The following A2ML1 variants were observed in gnomAD, a reference collection of about 807,000 sequenced individuals.
The protein encoded by A2ML1 is alpha-2-macroglobulin like 1.
In A2ML1, 161 loss-of-function variants were observed where a neutral mutation model predicts 181.9. The observed-to-expected ratio is 0.89, with a 90% CI of 0.78 to 1.01. A2ML1 has a LOEUF of 1.01. A2ML1 is among the 50% of genes least tolerant of loss of function. The pLI, the probability that A2ML1 is intolerant of heterozygous loss-of-function variation, is 0.00. For missense variants in A2ML1, 1,670 were observed against 1,768.1 expected, an observed-to-expected ratio of 0.94 and a Z score of 1.00; for synonymous variants, 663 against 666.8, an observed-to-expected ratio of 0.99 and a Z score of 0.09.
intron 3 of A2ML1, among the ~76,000 whole-genome samples, chr12:8,827,213 G>A (rs1462452173): frequency 6.6e-6 from 1 of 152,122 alleles, no homozygotes; most frequent in African/African-American, 2.4e-5. Context: ...GGTGGCCTGT[G>A]CCTGTAATCC....
At position 8,863,981 on chromosome 12, in the gene A2ML1, T is replaced by A; in HGVS notation, c.3690T>A (p.Asn1230Lys). The A allele has an allele frequency of 1.2e-6, 2 of 1,612,550 alleles. No homozygotes were observed. Among genetic ancestry groups the A allele is most frequent in the South Asian group, 2.2e-5 (2 of 90,928 alleles). Residue 1230 changes from asparagine to lysine, a missense_variant, in exon 29 of 36, where the codon AAT (asparagine) becomes AAA (lysine). By Grantham distance (94) the Asn-to-Lys change is moderately conservative (BLOSUM62 0). Coordinates refer to ENST00000299698, the MANE Select transcript of A2ML1 (RefSeq NM_144670.6). Reference protein sequence around the residue: ...SIVAWLAKQHNAYGGFSSTQD... With the variant: ...SIVAWLAKQHKAYGGFSSTQD... ...TGGCTTGGTTGGCCAAGCAACACAA[T>A]GCATATGGGGGCTTCTCTTCTACTC...
chr12:8,869,577 C>CTT (rs574069966), intron 33 of A2ML1, among the ~76,000 whole-genome samples: 4 of 148,334 alleles, frequency 2.7e-5, no homozygotes, highest in Admixed American at 6.8e-5. Context: ...TATCTACATT[C>CTT]TTTTTTTTTT....
At chr12:8,861,025 T>A in intron 27 of A2ML1, 70 bp downstream of exon 27, 1 of 1,606,172 alleles carries the variant, frequency 6.2e-7, no homozygotes, top group Non-Finnish European at 8.5e-7. Context: ...TTCACCCATC[T>A]TTGTCTCTAG....
At position 8,867,973 on chromosome 12, in the gene A2ML1, A is replaced by T; in HGVS notation, c.3849A>T (p.Arg1283Ser). The stretch of plus-strand genomic sequence containing the variant: ...CATTCAACATACAGTCAGTTAACAG[A>T]TTGGTATTTCAGCAGGATACCCTGC... ...QRTFNIQSVN[R>S]LVFQQDTLPN... is the part of the protein sequence containing the mutation. Residue 1283 changes from arginine to serine, a missense_variant, in exon 30 of 36, where the codon AGA becomes AGT. Arg to Ser is a moderately radical substitution (Grantham distance 110). Transcript: ENST00000299698. 1.9e-6 allele frequency: 3 copies of T among 1,614,208 alleles called. No homozygotes were observed. Among genetic ancestry groups the T allele is most frequent in the African/African-American group, 1.3e-5 (1 of 75,060 alleles).
In A2ML1 at chr12:8,852,310, A is replaced by G; in HGVS notation, c.2564A>G (p.His855Arg). 1 of 1,614,146 alleles carries G rather than the reference A, an allele frequency of 6.2e-7. No individual in the cohort carries two copies. Among genetic ancestry groups the G allele is most frequent in the Non-Finnish European group, 8.5e-7 (1 of 1,180,030 alleles). The change falls in exon 20 of 36, where the codon CAC (histidine) becomes CGC (arginine). Residue 855 changes from histidine (H) to arginine (R), a missense_variant. Physicochemically the swap from His to Arg is conservative, Grantham distance 29. Transcript: ENST00000299698. The surrounding 1 kb of genome is among the most constrained non-coding windows in gnomAD (Gnocchi z 4.2). The part of the protein sequence containing the change: ...CLCADDAKTH[H>R]WNITAVKLGH... ...TGTGCTGATGACGCAAAAACCCACCACTGGAACATCACAGCTGTCAAATTG... is the reference window on the plus strand; with the variant it reads ...TGTGCTGATGACGCAAAAACCCACCGCTGGAACATCACAGCTGTCAAATTG...
rs1944511213 is a variant in A2ML1 at position 8,868,595 on chromosome 12, G to A, written c.4120G>A (p.Gly1374Arg). ...MAIVEVKMLSGFSPMEGTNQL... is the reference protein window; with the variant it reads ...MAIVEVKMLSRFSPMEGTNQL... ...TATTGTGGAAGTGAAGATGCTATCTGGGTTCAGTCCCATGGAGGGCACCAA... is the reference window on the plus strand; with the variant it reads ...TATTGTGGAAGTGAAGATGCTATCTAGGTTCAGTCCCATGGAGGGCACCAA... Residue 1374 changes from glycine (G) to arginine (R), a missense_variant, in exon 32 of 36, where the codon GGG (glycine) becomes AGG (arginine). Gly to Arg is a moderately radical substitution (Grantham distance 125). Transcript: ENST00000299698. The A allele has an allele frequency of 6.2e-7, 1 of 1,613,814 alleles. No homozygotes were observed. Among genetic ancestry groups the A allele is most frequent in the African/African-American group, 1.3e-5 (1 of 74,856 alleles).
At position 8,848,775 on chromosome 12, in the gene A2ML1, A is replaced by C; in HGVS notation, c.1889A>C (p.Tyr630Ser). ...YGHYPYQVAE[Y>S]DQCPVSGPWD... is the part of the protein sequence containing the mutation. ...CACTACCCCTATCAAGTGGCTGAGTATGATCAGTGTCCAGTGTCTGGCCCA... is the reference window on the plus strand; with the variant it reads ...CACTACCCCTATCAAGTGGCTGAGTCTGATCAGTGTCCAGTGTCTGGCCCA... The change falls in exon 16 of 36, where the codon TAT (tyrosine) becomes TCT (serine). Residue 630 changes from tyrosine (Y) to serine (S), a missense_variant. Transcript: ENST00000299698. The C allele has an allele frequency of 6.2e-7, 1 of 1,614,004 alleles. No individual in the cohort carries two copies. The highest frequency in any genetic ancestry group is 8.5e-7 in the Non-Finnish European group (1 of 1,179,966).
intron 7 of A2ML1, among the ~76,000 whole-genome samples, chr12:8,882,073 T>A (rs1173783836): frequency 6.6e-6 from 1 of 150,680 alleles, no homozygotes; most frequent in Admixed American, 6.6e-5. Flanking sequence ...GTTGAGATAG[T>A]GGGATATAAA....
At chr12:8,859,060 T>C (rs751115721) in intron 26 of A2ML1, among the ~76,000 whole-genome samples, 3 of 151,980 alleles carry the variant, frequency 2.0e-5, no homozygotes, top group Non-Finnish European at 4.4e-5. Context: ...CCAAGGTGCA[T>C]GCTAATAAGT....
At chr12:8,872,162 G>C (rs1944646529) in intron 33 of A2ML1, among the ~76,000 whole-genome samples, 1 of 149,862 alleles carries the variant, frequency 6.7e-6, no homozygotes, top group East Asian at 2.0e-4. Context: ...CTGGGCAACG[G>C]TGCAAGACTC....
Position 8,854,250 on chromosome 12 carries a change from G to A in A2ML1, c.2712+1G>A, listed in dbSNP as rs1464865510. 4 of 1,595,118 alleles carry A rather than the reference G, an allele frequency of 2.5e-6. No homozygotes were observed. The highest frequency in any genetic ancestry group is 3.4e-6 in the Non-Finnish European group (4 of 1,171,222). ...GCTCATCAAGCCAGTTCTCGTCAAA[G>A]TGAGTTTTCTTCAGAGGTAGAGACA... On this transcript the variant is annotated splice_donor_variant, in intron 21 of 35. Transcript: ENST00000299698. LOFTEE classifies it high-confidence loss of function.
At chr12:8,874,934 C>T in intron 34 of A2ML1, 37 bp from the exon 35 acceptor site, 2 of 1,607,902 alleles carry the variant, frequency 1.2e-6, no homozygotes, top group African/African-American at 1.3e-5. Flanking sequence ...ATATAGGAGG[C>T]CCTCAAAGTA....
intron 11 of A2ML1, among the ~76,000 whole-genome samples, chr12:8,841,959 C>T (rs1275154396): frequency 2.0e-5 from 3 of 152,202 alleles, no homozygotes; most frequent in African/African-American, 7.2e-5. Flanking sequence ...AACAATGCTT[C>T]TTATCAAACA....
rs79855890 is a variant in A2ML1, at chr12:8,868,437, T to G, written c.4061+80T>G. Reference sequence around the variant, plus strand: ...GCTGGGACACTTGTGTGTGTGTGTGTCTGTGTATGTGTGTGTGTACGTGTG... The same window carrying G: ...GCTGGGACACTTGTGTGTGTGTGTGGCTGTGTATGTGTGTGTGTACGTGTG... On this transcript the variant is annotated intron_variant, in intron 31 of 35. Transcript: ENST00000299698. 1.2e-3 allele frequency: 1,845 copies of G among 1,575,470 alleles called. 18 individuals are homozygous for G. The African/African-American group carries it at 0.024, about 21-fold the overall frequency.
chr12:8,868,341 C>T lies in A2ML1; in HGVS notation c.4045C>T (p.Leu1349Phe), dbSNP rs749489113. The change falls in exon 31 of 36, where the codon CTC becomes TTC. Residue 1349 changes from leucine (L) to phenylalanine (F), a missense_variant. Coordinates refer to ENST00000299698, the MANE Select transcript of A2ML1 (RefSeq NM_144670.6). Reference protein sequence around the residue: ...EQPTSPRSLTLTIHTSYVGSR... With the variant: ...EQPTSPRSLTFTIHTSYVGSR... ...ACCGACTTCACCTCGATCCTTGACTCTCACTATTCACACCAGGTGATTAAA... is the reference window on the plus strand; with the variant it reads ...ACCGACTTCACCTCGATCCTTGACTTTCACTATTCACACCAGGTGATTAAA... The T allele has an allele frequency of 6.2e-7, 1 of 1,613,072 alleles. No homozygotes were observed. The highest frequency in any genetic ancestry group is 1.3e-5 in the African/African-American group (1 of 74,828).
At chr12:8,881,374 A>T (rs74061865), downstream of A2ML1, among the ~76,000 whole-genome samples, 846 of 152,330 alleles carry the variant, frequency 5.6e-3, 13 homozygotes, top group East Asian at 0.025. Context: ...GCAGTAAGTT[A>T]TGGGAAGGTA....
At chr12:8,856,628 G>C (rs1473668597) in intron 23 of A2ML1, among the ~76,000 whole-genome samples, 1 of 152,132 alleles carries the variant, frequency 6.6e-6, no homozygotes, top group African/African-American at 2.4e-5. Flanking sequence ...TTAAGAGATT[G>C]ATCCTAAGTG....
intron 29 of A2ML1, among the ~76,000 whole-genome samples, 195 bp from the exon 30 acceptor site, chr12:8,867,646 TG>T (rs1256495759): frequency 1.7e-4 from 25 of 146,080 alleles, no homozygotes; most frequent in African/African-American, 6.5e-4. Flanking sequence ...AAACTCCATC[TG>T]AAAAAAAAAA....
chr12:8,871,505 G>A (rs951444746), intron 33 of A2ML1, among the ~76,000 whole-genome samples: 4 of 152,000 alleles, frequency 2.6e-5, no homozygotes, highest in Admixed American at 6.6e-5. Context: ...TAGAGACAGC[G>A]TTTCACCATG....
Sources: gnomAD v4.1 joint callset for allele counts (sites outside exome capture counted in the v4.1 genomes callset) on GRCh38, gnomAD v4.1.1 for gene constraint, Gnocchi (gnomAD v3.1) non-coding constraint, MANE v1.5 for transcripts, NCBI Gene and HGNC (gene_info 2026-07-23, HGNC 2026-07-21) for gene names.